The following NPNT variants were observed in gnomAD, a reference collection of about 807,000 sequenced individuals.
NPNT encodes preosteoblast EGF-like repeat protein with MAM domain.
Under a neutral mutation model 68.6 loss-of-function variants are expected in NPNT, and 45 were observed. The observed-to-expected ratio is 0.66, with a 90% CI of 0.52 to 0.84. The LOEUF (loss-of-function observed/expected upper bound fraction) is 0.84. Ranked by LOEUF, NPNT falls within the 40% of genes least tolerant of loss-of-function variation. The pLI, the probability that NPNT is intolerant of heterozygous loss-of-function variation, is 0.00. For missense variants in NPNT, 672 were observed against 714.8 expected, an observed-to-expected ratio of 0.94 and a Z score of 0.68; for synonymous variants, 233 against 253.3, an observed-to-expected ratio of 0.92 and a Z score of 0.76.
chr4:105,949,100 T>G (rs1466658712), intron 8 of NPNT, among the ~76,000 whole-genome samples: 1 of 152,210 alleles, frequency 6.6e-6, no homozygotes, highest in Non-Finnish European at 1.5e-5. Flanking sequence ...ATTATTTCTC[T>G]GAAATATTAC....
Position 105,971,216 on chromosome 4 carries a change from C to A in NPNT, c.*2226C>A. ...GGCTGCTGAGAAAGAGTGCCCTGCC[C>A]CACACCGGCAGACCTTTCCTTCACC... On this transcript the variant is annotated 3_prime_UTR_variant, in exon 12 of 12. Coordinates refer to ENST00000379987, the MANE Select transcript of NPNT (RefSeq NM_001033047.3). 2.2e-6 allele frequency: 1 copy of A among 452,454 alleles called. No homozygotes were observed. The highest frequency in any genetic ancestry group is 2.4e-5 in the Admixed American group (1 of 42,252). 28.0% of individuals were successfully genotyped at this position (452,454 alleles called of 1,614,324 possible). A position where few individuals can be genotyped will look rare whatever the true frequency, so the allele number is the denominator to read the frequency against.
chr4:105,967,480 G>A (rs1022364723), intron 11 of NPNT, 36 bp downstream of exon 11: 10 of 1,505,054 alleles, frequency 6.6e-6, no homozygotes, highest in East Asian at 2.4e-5. Context: ...GACCTGGGAC[G>A]TTTTCCTTTC....
intron 8 of NPNT, among the ~76,000 whole-genome samples, chr4:105,946,501 C>G (rs4074792): frequency 0.87 from 132,055 of 152,148 alleles, 57,909 homozygotes; most frequent in East Asian, 1. Context: ...CATAAGTGTC[C>G]GCTGGCTGAG....
chr4:105,948,362 T>G (rs903475095), intron 8 of NPNT, among the ~76,000 whole-genome samples: 1 of 152,202 alleles, frequency 6.6e-6, no homozygotes, highest in Non-Finnish European at 1.5e-5. Context: ...TACATGACTT[T>G]GGACTAGTAT....
intron 8 of NPNT, among the ~76,000 whole-genome samples, chr4:105,958,264 A>C (rs541068527): frequency 1.3e-5 from 2 of 152,184 alleles, no homozygotes; most frequent in Non-Finnish European, 2.9e-5. Flanking sequence ...ATCATTTTTA[A>C]AAAATGTACC....
chr4:105,937,581 T>C (rs528689532), intron 4 of NPNT, among the ~76,000 whole-genome samples: 22 of 152,166 alleles, frequency 1.4e-4, no homozygotes, highest in Admixed American at 1.4e-3. Context: ...TATAAAAGCC[T>C]TTAGGCTTTT....
At chr4:105,922,313 A>C (rs565649875) in intron 2 of NPNT, among the ~76,000 whole-genome samples, 1 of 152,042 alleles carries the variant, frequency 6.6e-6, no homozygotes, top group South Asian at 2.1e-4. Context: ...AACTTATTTG[A>C]TAATTCACTG....
intron 2 of NPNT, among the ~76,000 whole-genome samples, chr4:105,905,723 T>C (rs1373224999): frequency 6.6e-6 from 1 of 152,188 alleles, no homozygotes; most frequent in Non-Finnish European, 1.5e-5. Context: ...GCAATCAATA[T>C]TTGCATATAT....
At chr4:105,920,075 T>G (rs1205990377) in intron 2 of NPNT, among the ~76,000 whole-genome samples, 1 of 152,080 alleles carries the variant, frequency 6.6e-6, no homozygotes, top group African/African-American at 2.4e-5. Context: ...TCAGTCTTCT[T>G]CCTATTTAGA....
Position 105,942,703 on chromosome 4 carries a change from G to C in NPNT, c.1159+1G>C. On this transcript the variant is annotated splice_donor_variant, in intron 8 of 11. Transcript: ENST00000379987. LOFTEE classifies it high-confidence loss of function. Reference sequence around the variant, plus strand: ...CAGAAACCCAGAGGAGATGTGTTCAGTAAGTCTAATAAATGTTAGCACATT... The same window carrying C: ...CAGAAACCCAGAGGAGATGTGTTCACTAAGTCTAATAAATGTTAGCACATT... 6.2e-7 allele frequency: 1 copy of C among 1,600,620 alleles called. No individual in the cohort carries two copies. Among genetic ancestry groups the C allele is most frequent in the Non-Finnish European group, 8.5e-7 (1 of 1,173,468 alleles).
intron 3 of NPNT, among the ~76,000 whole-genome samples, chr4:105,936,004 G>C (rs1281712777): frequency 6.6e-6 from 1 of 152,164 alleles, no homozygotes; most frequent in Non-Finnish European, 1.5e-5. Flanking sequence ...GGTGGTTCCA[G>C]ACAAACATGT....
At chr4:105,896,019 G>C (rs1370210122) in intron 1 of NPNT, 7 of 437,002 alleles carry the variant, frequency 1.6e-5, no homozygotes, top group South Asian at 3.2e-5. Flanking sequence ...CTGGGATCTC[G>C]GCTCTGAGGG....
intron 2 of NPNT, among the ~76,000 whole-genome samples, chr4:105,900,190 T>C (rs182048857): frequency 2.0e-5 from 3 of 152,348 alleles, no homozygotes; most frequent in Non-Finnish European, 4.4e-5. Flanking sequence ...CTATTCTCCC[T>C]TCCTCATCAG....
chr4:105,928,242 T>C (rs887708965), intron 3 of NPNT, among the ~76,000 whole-genome samples: 15 of 152,138 alleles, frequency 9.9e-5, no homozygotes, highest in Admixed American at 2.0e-4. Context: ...GATAAAAAAA[T>C]ATATTTGGAA....
At chr4:105,945,428 A>G (rs985459410) in intron 8 of NPNT, among the ~76,000 whole-genome samples, 2 of 152,182 alleles carry the variant, frequency 1.3e-5, no homozygotes, top group Non-Finnish European at 2.9e-5. Flanking sequence ...CTCAAACTCA[A>G]CATGTATAGA....
intron 2 of NPNT, among the ~76,000 whole-genome samples, chr4:105,920,395 T>TAAAAA (rs11355483): frequency 0.018 from 1,435 of 79,386 alleles, 69 homozygotes; most frequent in African/African-American, 0.065. Flanking sequence ...GTTACTCTAC[T>TAAAAA]AAAAAAAAAA....
At chr4:105,933,198 G>A (rs1324537577) in intron 3 of NPNT, among the ~76,000 whole-genome samples, 1 of 152,160 alleles carries the variant, frequency 6.6e-6, no homozygotes, top group Non-Finnish European at 1.5e-5. Flanking sequence ...GCACTTAGTT[G>A]CTATTTGATT....
chr4:105,922,706 G>C (rs1728350691), intron 2 of NPNT, among the ~76,000 whole-genome samples: 1 of 152,090 alleles, frequency 6.6e-6, no homozygotes, highest in African/African-American at 2.4e-5. Context: ...GTTGAAACTT[G>C]TTTCTTTTTC....
Position 105,942,547 on chromosome 4 carries a change from C to T in NPNT, c.1004C>T (p.Pro335Leu). Residue 335 changes from proline to leucine, a missense_variant, in exon 8 of 12, where the codon CCA (proline) becomes CTA (leucine). Physicochemically the swap from Pro to Leu is moderately conservative, Grantham distance 98. Transcript: ENST00000379987. ...ACTCCACCACCACCACCACCCCTGC[C>T]AACAGAGCTCAGAACACCTCTACCA... ...IPTPPPPPPL[P>L]TELRTPLPPT... The T allele has an allele frequency of 6.2e-7, 1 of 1,613,908 alleles. No individual in the cohort carries two copies.
Sources: gnomAD v4.1 joint callset for allele counts (sites outside exome capture counted in the v4.1 genomes callset) on GRCh38, gnomAD v4.1.1 for gene constraint, MANE v1.5 for transcripts, NCBI Gene and HGNC (gene_info 2026-07-23, HGNC 2026-07-21) for gene names.